Variants in CACNA1D observed in about 807,000 individuals in gnomAD.
The protein encoded by CACNA1D is voltage-dependent L-type calcium channel subunit alpha-1D.
A neutral mutation model predicts 257.1 loss-of-function variants in CACNA1D; 55 were observed. The ratio of observed to expected loss-of-function variants is 0.21; its 90% confidence interval spans 0.17 to 0.27. The LOEUF is 0.27. Among genes scored for constraint, CACNA1D ranks in the 10% least tolerant of loss-of-function variants. The probability of loss-of-function intolerance (pLI) is 1.00; values close to 1 mark genes in which losing one functional copy is unlikely to be tolerated. For missense variants in CACNA1D, 1,876 were observed against 2,784.0 expected (o/e 0.67, Z 7.34); for synonymous variants, 980 against 1,014.9 (o/e 0.97, Z 0.65).
rs529992279 is a variant in CACNA1D at position 53,513,859 on chromosome 3, T to G, written c.483+12139T>G. On this transcript the variant is annotated intron_variant, in intron 3 of 47. Transcript: ENST00000350061. ...ATTTAGATACAACTGGTGTTATAAT[T>G]GCCTATAGTATTCAGCACAGTCACA... Among the ~76,000 whole-genome samples the G allele has an allele frequency of 9.9e-5, 15 of 152,282 alleles. No homozygotes were observed. The South Asian group carries it at 2.5e-3, about 25-fold the overall frequency.
Position 53,494,952 on chromosome 3 carries a change from AAG to A in CACNA1D, c.-208_-207del, listed in dbSNP as rs1034969014. On this transcript the variant is annotated 5_prime_UTR_variant, in exon 1 of 48. Transcript: ENST00000350061. ...AGTTTATTTTGCTCCATTTTTGAAA[AAG>A]AGAGAGCTTGGGTGGCGAGCGGTTT... 2 of 579,472 alleles carry A rather than the reference AAG, an allele frequency of 3.5e-6. No individual in the cohort carries two copies. The highest frequency in any genetic ancestry group is 6.2e-6 in the Non-Finnish European group (2 of 324,764). The allele number at this position is 579,472 out of a possible 1,614,324, so 35.9% of individuals were successfully genotyped here.
intron 3 of CACNA1D, among the ~76,000 whole-genome samples, chr3:53,503,956 C>T (rs2090711776): frequency 1.3e-5 from 2 of 152,030 alleles, no homozygotes; most frequent in Non-Finnish European, 2.9e-5. Flanking sequence ...TAAATACTTC[C>T]TTTCCCACTG....
At position 53,500,366 on chromosome 3, in the gene CACNA1D, C is replaced by T. The variant is rs572307237; in HGVS notation, c.378-1249C>T. 5.3e-4 allele frequency among the ~76,000 whole-genome samples: 75 copies of T among 140,336 alleles called. 1 individual carries two copies. In the South Asian group the frequency reaches 0.012, roughly 23 times the overall value. The allele number at this position is 140,336 out of a possible 152,430, so 92.1% of individuals were successfully genotyped here. A position where few individuals can be genotyped will look rare whatever the true frequency, so the allele number is the denominator to read the frequency against. On this transcript the variant is annotated intron_variant, in intron 2 of 47. Coordinates refer to ENST00000350061, the MANE Select transcript of CACNA1D (RefSeq NM_001128840.3). Reference sequence around the variant, plus strand: ...GGATGGCTGGCTTGAGCCTGGGAGGCGGAGGTTGCAGCAAGTTGAGATTGC... The same window carrying T: ...GGATGGCTGGCTTGAGCCTGGGAGGTGGAGGTTGCAGCAAGTTGAGATTGC...
chr3:53,768,722 T>C (rs2095349116), intron 30 of CACNA1D, among the ~76,000 whole-genome samples: 1 of 152,230 alleles, frequency 6.6e-6, no homozygotes, highest in Non-Finnish European at 1.5e-5. Context: ...TTTTCTGTGA[T>C]ATGCTGAAAC....
chr3:53,735,948 T>C (rs2095053279), intron 20 of CACNA1D, among the ~76,000 whole-genome samples: 1 of 152,216 alleles, frequency 6.6e-6, no homozygotes, highest in Admixed American at 6.5e-5. Flanking sequence ...AAGATGCCTA[T>C]GTCGTGTAGA....
At chr3:53,616,600 G>T (rs1404499121) in intron 3 of CACNA1D, among the ~76,000 whole-genome samples, 1 of 152,144 alleles carries the variant, frequency 6.6e-6, no homozygotes, top group East Asian at 1.9e-4. Flanking sequence ...GCCTGTTACA[G>T]CAGGCCTAGG....
At chr3:53,772,971 G>A in intron 33 of CACNA1D, 73 bp downstream of exon 33, 1 of 1,227,832 alleles carries the variant, frequency 8.1e-7, no homozygotes, top group Non-Finnish European at 1.2e-6. Flanking sequence ...GATGTACCCT[G>A]ACCAAGTGAA....
intron 9 of CACNA1D, among the ~76,000 whole-genome samples, chr3:53,716,603 T>C (rs924505651): frequency 6.6e-6 from 1 of 152,084 alleles, no homozygotes; most frequent in African/African-American, 2.4e-5. Context: ...TTTGTTTGTT[T>C]CTGCATGAAA....
At chr3:53,697,044 A>G (rs529885304) in intron 8 of CACNA1D, among the ~76,000 whole-genome samples, 17 of 152,282 alleles carry the variant, frequency 1.1e-4, no homozygotes, top group African/African-American at 4.1e-4. Flanking sequence ...CCTGCATAAG[A>G]CACTTCACAG....
intron 3 of CACNA1D, among the ~76,000 whole-genome samples, chr3:53,558,890 G>A (rs1278066258): frequency 6.6e-6 from 1 of 152,082 alleles, no homozygotes; most frequent in Non-Finnish European, 1.5e-5. Flanking sequence ...TTCTTGCAGT[G>A]GTAAGTTTAG....
chr3:53,762,591 T>C, intron 30 of CACNA1D: 1 of 456,836 alleles, frequency 2.2e-6, no homozygotes, highest in Non-Finnish European at 4.4e-6. Flanking sequence ...GATGCCTTAA[T>C]TGTTGTTGGT....
At chr3:53,553,992 G>T (rs574734282) in intron 3 of CACNA1D, among the ~76,000 whole-genome samples, 80 of 151,764 alleles carry the variant, frequency 5.3e-4, no homozygotes, top group African/African-American at 1.5e-3. Context: ...GTCAGGAGAT[G>T]GAGACCATCC....
chr3:53,581,168 G>A (rs1326287427), intron 3 of CACNA1D, among the ~76,000 whole-genome samples: 1 of 152,220 alleles, frequency 6.6e-6, no homozygotes, highest in African/African-American at 2.4e-5. Context: ...CCTTGTACAT[G>A]TGTGAGGACT....
chr3:53,713,297 C>T (rs1162933295), intron 9 of CACNA1D, among the ~76,000 whole-genome samples: 1 of 152,164 alleles, frequency 6.6e-6, no homozygotes, highest in African/African-American at 2.4e-5. Context: ...GATCTGGTAG[C>T]CAAGCATAGG....
At chr3:53,725,845 T>C (rs532955559) in intron 14 of CACNA1D, among the ~76,000 whole-genome samples, 1 of 152,356 alleles carries the variant, frequency 6.6e-6, no homozygotes, top group South Asian at 2.1e-4. Flanking sequence ...AAAGGAGCTC[T>C]GTCTGTCGTC....
intron 3 of CACNA1D, among the ~76,000 whole-genome samples, chr3:53,585,491 A>C (rs1244270765): frequency 6.6e-6 from 1 of 152,208 alleles, no homozygotes; most frequent in African/African-American, 2.4e-5. Flanking sequence ...CCAGGTTTGA[A>C]TCTCAAAGCA....
chr3:53,609,215 C>T (rs2093552166), intron 3 of CACNA1D, among the ~76,000 whole-genome samples: 1 of 152,062 alleles, frequency 6.6e-6, no homozygotes, highest in African/African-American at 2.4e-5. Context: ...TAAAGACCAT[C>T]CTGGCTAACA....
chr3:53,578,880 T>C (rs183667598), intron 3 of CACNA1D, among the ~76,000 whole-genome samples: 2 of 152,310 alleles, frequency 1.3e-5, no homozygotes, highest in East Asian at 1.9e-4. Flanking sequence ...TGGGGGATGA[T>C]GTACTTTAGA....
intron 3 of CACNA1D, among the ~76,000 whole-genome samples, chr3:53,567,095 A>G (rs2092856558): frequency 6.6e-6 from 1 of 152,192 alleles, no homozygotes; most frequent in Non-Finnish European, 1.5e-5. Context: ...TTTGAGTCTT[A>G]TGGAGACGAT....
Sources: allele counts gnomAD v4.1 joint callset (sites outside exome capture counted in the v4.1 genomes callset), GRCh38; gene constraint gnomAD v4.1.1; transcripts MANE v1.5; gene names NCBI Gene and HGNC (gene_info 2026-07-23, HGNC 2026-07-21).